The following MYEOV variants were observed in gnomAD, a reference collection of about 807,000 sequenced individuals.
MYEOV encodes myeloma-overexpressed gene protein.
In MYEOV, 4 loss-of-function variants were observed where a neutral mutation model predicts 4.5. The ratio of observed to expected loss-of-function variants is 0.89; its 90% CI spans 0.44 to 2.03. The LOEUF (loss-of-function observed/expected upper bound fraction) is 2.03, where lower values mean the gene tolerates loss of function less well. Among genes scored for constraint, MYEOV ranks in the 30% most tolerant of loss-of-function variants. The probability of loss-of-function intolerance (pLI) is 0.03; values close to 1 mark genes in which losing one functional copy is unlikely to be tolerated. For synonymous variants in MYEOV, 184 were observed against 170.3 expected, an observed-to-expected ratio of 1.08 and a Z score of -0.63; for missense variants, 408 against 412.8, an observed-to-expected ratio of 0.99 and a Z score of 0.10.
Position 69,296,105 on chromosome 11 carries a change from A to C in MYEOV, c.655A>C (p.Met219Leu), listed in dbSNP as rs17856376. 11 of 1,613,868 alleles carry C rather than the reference A, an allele frequency of 6.8e-6. No homozygotes were observed. Among genetic ancestry groups the C allele is most frequent in the African/African-American group, 4.0e-5 (3 of 74,850 alleles). Residue 219 changes from methionine to leucine, a missense_variant, in exon 3 of 3, where the codon ATG (methionine) becomes CTG (leucine). Transcript: ENST00000441339. ...TCTGGCCGGTGCCGGGGCACTCTGC[A>C]TGACCCTGGCAGAATCGAGCTGCCC... ...GLLAGAGALC[M>L]TLAESSCPDY...
At position 69,296,261 on chromosome 11, in the gene MYEOV, G is replaced by T. The variant is rs11228610; in HGVS notation, c.811G>T (p.Gly271Trp). Residue 271 changes from glycine to tryptophan, a missense_variant, in exon 3 of 3, where the codon GGG (glycine) becomes TGG (tryptophan). By Grantham distance (184) the Gly-to-Trp change is radical (BLOSUM62 -2). Transcript: ENST00000441339. ...TGTTGTGACTGTTGAGGCCCTGGGG[G>T]GGTGGCGCATGGGAGTTAGGAGGAC... ...LTVVTVEALG[G>W]WRMGVRRTGQ... 25 of 1,586,226 alleles carry T rather than the reference G, an allele frequency of 1.6e-5. No homozygotes were observed. The highest frequency in any genetic ancestry group is 2.7e-5 in the African/African-American group (2 of 74,552).
chr11:69,296,008 GC>G lies in MYEOV; in HGVS notation c.559del (p.Arg187GlyfsTer33). On this transcript the variant is annotated frameshift_variant, in exon 3 of 3. Coordinates refer to ENST00000441339, the MANE Select transcript of MYEOV (RefSeq NM_001293291.2). ...GCTCGTGCCCTGAGGAGGTGCATGGGCGGCATGGGCTCTCCATGGAAATTAT... is the reference window on the plus strand; with the variant it reads ...GCTCGTGCCCTGAGGAGGTGCATGGGGGCATGGGCTCTCCATGGAAATTAT... ...ISSCPEEVHG[R>X]HGLSMEIMWA... 6.2e-7 allele frequency: 1 copy of G among 1,614,150 alleles called. No individual in the cohort carries two copies. The highest frequency in any genetic ancestry group is 8.5e-7 in the Non-Finnish European group (1 of 1,180,008).
Position 69,295,299 on chromosome 11 carries a change from AC to A in MYEOV, c.-54del. On this transcript the variant is annotated 5_prime_UTR_variant, in exon 2 of 3. It introduces an in-frame stop codon into an upstream open reading frame of the 5' UTR. Transcript: ENST00000441339. This position sits in a 1 kb window ranked among gnomAD's most constrained non-coding sequence, Gnocchi z 4.1. ...CCAGCCACGTCATGCCACGCTTAACACCTCTAACAACTTCCCCTGGCACTTA... is the reference window on the plus strand; with the variant it reads ...CCAGCCACGTCATGCCACGCTTAACACTCTAACAACTTCCCCTGGCACTTA... 6.5e-7 allele frequency: 1 copy of A among 1,546,502 alleles called. No individual in the cohort carries two copies. The highest frequency in any genetic ancestry group is 2.4e-5 in the East Asian group (1 of 40,914).
rs1855144553 is a variant in MYEOV, at chr11:69,295,151, G to A, written c.-122-82G>A. 1.4e-5 allele frequency: 11 copies of A among 794,566 alleles called. No homozygotes were observed. The highest frequency in any genetic ancestry group is 5.5e-5 in the East Asian group (2 of 36,150). 49.2% of individuals were successfully genotyped at this position (794,566 alleles called of 1,614,324 possible). ...CATGGGGACCCAGGCACAGAGCGGC[G>A]GCCTCTCATCCTCCCCATGGTCAAG... On this transcript the variant is annotated intron_variant, in intron 1 of 2. Coordinates refer to ENST00000441339, the MANE Select transcript of MYEOV (RefSeq NM_001293291.2). The surrounding 1 kb of genome is among the most constrained non-coding windows in gnomAD (Gnocchi z 4.1).
In MYEOV at chr11:69,296,374, C is replaced by T; in HGVS notation, c.924C>T (p.Ile308=). The change falls in exon 3 of 3, where the codon ATC becomes ATT. Residue 308 remains isoleucine, a synonymous_variant. Coordinates refer to ENST00000441339, the MANE Select transcript of MYEOV (RefSeq NM_001293291.2). The part of the protein sequence containing the change: ...LLHHLLLLLL[I]IILTC ...ACCACCTCCTCCTCCTCCTCCTCAT[C>T]ATCATCCTCACTTGTTGAGGACGTC... is the stretch of plus-strand genomic sequence containing the variant. The T allele has an allele frequency of 6.8e-7, 1 of 1,468,120 alleles. No individual in the cohort carries two copies. Among genetic ancestry groups the T allele is most frequent in the Middle Eastern group, 1.8e-4 (1 of 5,536 alleles). The allele number at this position is 1,468,120 out of a possible 1,614,324, so 90.9% of individuals were successfully genotyped here.
chr11:69,295,214 G>T lies in MYEOV; in HGVS notation c.-122-19G>T, dbSNP rs1855147443. On this transcript the variant is annotated intron_variant, in intron 1 of 2. Coordinates refer to ENST00000441339, the MANE Select transcript of MYEOV (RefSeq NM_001293291.2). This position sits in a 1 kb window ranked among gnomAD's most constrained non-coding sequence, Gnocchi z 4.1. ...TTCCCGGGGTGGATTACGGATGGTA[G>T]TATCTTCCTTCTCCTCAGAGTCCAT... The T allele has an allele frequency of 5.2e-6, 7 of 1,349,264 alleles. No homozygotes were observed. The highest frequency in any genetic ancestry group is 1.5e-5 in the African/African-American group (1 of 67,862). The allele number at this position is 1,349,264 out of a possible 1,614,324, so 83.6% of individuals were successfully genotyped here. A position where few individuals can be genotyped will look rare whatever the true frequency, so the allele number is the denominator to read the frequency against.
In MYEOV at chr11:69,295,822, G is replaced by A; in HGVS notation, c.372G>A (p.Glu124=). The change falls in exon 3 of 3, where the codon GAG becomes GAA. Residue 124 remains glutamate (E), a synonymous_variant. Transcript: ENST00000441339. This position sits in a 1 kb window ranked among gnomAD's most constrained non-coding sequence, Gnocchi z 4.1. The stretch of plus-strand genomic sequence containing the variant: ...AGACAGGTGCGGGGCTCAGCCAGGA[G>A]GCAGAAGACGTGGACGTGTCCCGGG... ...GAQTGAGLSQ[E]AEDVDVSRAR... 1 of 1,614,192 alleles carries A rather than the reference G, an allele frequency of 6.2e-7. No homozygotes were observed. The highest frequency in any genetic ancestry group is 2.2e-5 in the East Asian group (1 of 44,878).
chr11:69,296,259 G>C lies in MYEOV; in HGVS notation c.809G>C (p.Gly270Ala). 6.3e-7 allele frequency: 1 copy of C among 1,589,402 alleles called. No homozygotes were observed. Among genetic ancestry groups the C allele is most frequent in the Non-Finnish European group, 8.6e-7 (1 of 1,165,554 alleles). The part of the protein sequence containing the change: ...WLTVVTVEAL[G>A]GWRMGVRRTG... ...ACTGTTGTGACTGTTGAGGCCCTGG[G>C]GGGGTGGCGCATGGGAGTTAGGAGG... The change falls in exon 3 of 3, where the codon GGG becomes GCG. Residue 270 changes from glycine to alanine, a missense_variant. Physicochemically the swap from Gly to Ala is moderately conservative, Grantham distance 60 (BLOSUM62 0). Coordinates refer to ENST00000441339, the MANE Select transcript of MYEOV (RefSeq NM_001293291.2).
rs1305283519 is a variant in MYEOV, at chr11:69,296,281, G to A, written c.831G>A (p.Arg277=). 1 of 1,569,132 alleles carries A rather than the reference G, an allele frequency of 6.4e-7. No homozygotes were observed. The highest frequency in any genetic ancestry group is 8.7e-7 in the Non-Finnish European group (1 of 1,155,066). Residue 277 remains arginine, a synonymous_variant, in exon 3 of 3, where the codon AGG becomes AGA. Coordinates refer to ENST00000441339, the MANE Select transcript of MYEOV (RefSeq NM_001293291.2). ...TGGGGGGGTGGCGCATGGGAGTTAG[G>A]AGGACTGGCCAGGTGGGGCCCACTA... ...EALGGWRMGV[R]RTGQVGPTMH...
At position 69,295,620 on chromosome 11, in the gene MYEOV, T is replaced by A; in HGVS notation, c.170T>A (p.Leu57Ter). ...GTCCCCCTTGGGGACAGGGACTCGT[T>A]GCTCATGTTCACCCGGCAGGCTGGA... ...QSVPLGDRDS[L>*]LMFTRQAGHF... The change falls in exon 3 of 3, where the codon TTG (leucine) becomes TAG (stop). Residue 57 changes from leucine to a stop codon, truncating the protein, a stop_gained. Coordinates refer to ENST00000441339, the MANE Select transcript of MYEOV (RefSeq NM_001293291.2). LOFTEE classifies it low-confidence loss of function (END_TRUNC). The surrounding 1 kb of genome is among the most constrained non-coding windows in gnomAD (Gnocchi z 4.1). 1 of 1,613,982 alleles carries A rather than the reference T, an allele frequency of 6.2e-7. No homozygotes were observed. The highest frequency in any genetic ancestry group is 8.5e-7 in the Non-Finnish European group (1 of 1,179,938).
chr11:69,295,496 G>T lies in MYEOV; in HGVS notation c.141+1G>T, dbSNP rs766848939. 6.2e-7 allele frequency: 1 copy of T among 1,614,076 alleles called. No homozygotes were observed. The highest frequency in any genetic ancestry group is 1.1e-5 in the South Asian group (1 of 91,068). ...CTTCCTGACCTTCCACCTCCACCAG[G>T]TGCCGACACTTCCCTGACCCCAGTA... On this transcript the variant is annotated splice_donor_variant, in intron 2 of 2. Transcript: ENST00000441339. LOFTEE classifies it high-confidence loss of function. This position sits in a 1 kb window ranked among gnomAD's most constrained non-coding sequence, Gnocchi z 4.1.
chr11:69,295,326 G>C lies in MYEOV; in HGVS notation c.-29G>C. ...CTCTAACAACTTCCCCTGGCACTTAGGACAGCGTCTGGCTCCTTCCCTCGG... is the reference window on the plus strand; with the variant it reads ...CTCTAACAACTTCCCCTGGCACTTACGACAGCGTCTGGCTCCTTCCCTCGG... On this transcript the variant is annotated 5_prime_UTR_variant, in exon 2 of 3. The change abolishes the stop of an existing upstream ORF in the 5' untranslated region. Coordinates refer to ENST00000441339, the MANE Select transcript of MYEOV (RefSeq NM_001293291.2). This position sits in a 1 kb window ranked among gnomAD's most constrained non-coding sequence, Gnocchi z 4.1. 6.4e-7 allele frequency: 1 copy of C among 1,567,174 alleles called. No homozygotes were observed. Among genetic ancestry groups the C allele is most frequent in the Non-Finnish European group, 8.7e-7 (1 of 1,155,398 alleles).
chr11:69,295,358 G>C lies in MYEOV; in HGVS notation c.4G>C (p.Ala2Pro). 2 of 1,601,008 alleles carry C rather than the reference G, an allele frequency of 1.2e-6. 1 individual carries two copies. The highest frequency in any genetic ancestry group is 2.2e-5 in the South Asian group (2 of 89,770). ...GTCTGGCTCCTTCCCTCGGCTCATG[G>C]CCCTCAGAATCTGCGTCACATACAC... Reference protein sequence around the residue: MALRICVTYTPA... With the variant: MPLRICVTYTPA... Residue 2 changes from alanine (A) to proline (P), a missense_variant, in exon 2 of 3, where the codon GCC (alanine) becomes CCC (proline). Coordinates refer to ENST00000441339, the MANE Select transcript of MYEOV (RefSeq NM_001293291.2). This position sits in a 1 kb window ranked among gnomAD's most constrained non-coding sequence, Gnocchi z 4.1.
intron 1 of MYEOV, among the ~76,000 whole-genome samples, 191 bp downstream of exon 1, chr11:69,294,767 G>A (rs920525321): frequency 2.0e-5 from 3 of 152,112 alleles, no homozygotes; most frequent in East Asian, 1.9e-4. Flanking sequence ...CAGACGGCTC[G>A]GGAGTGACCA....
Position 69,296,267 on chromosome 11 carries a change from C to G in MYEOV, c.817C>G (p.Arg273Gly). 6.3e-7 allele frequency: 1 copy of G among 1,579,860 alleles called. No homozygotes were observed. The highest frequency in any genetic ancestry group is 8.6e-7 in the Non-Finnish European group (1 of 1,160,580). Reference sequence around the variant, plus strand: ...GACTGTTGAGGCCCTGGGGGGGTGGCGCATGGGAGTTAGGAGGACTGGCCA... The same window carrying G: ...GACTGTTGAGGCCCTGGGGGGGTGGGGCATGGGAGTTAGGAGGACTGGCCA... ...VVTVEALGGW[R>G]MGVRRTGQVG... The change falls in exon 3 of 3, where the codon CGC (arginine) becomes GGC (glycine). Residue 273 changes from arginine to glycine, a missense_variant. Physicochemically the swap from Arg to Gly is moderately radical, Grantham distance 125 (BLOSUM62 -2). Coordinates refer to ENST00000441339, the MANE Select transcript of MYEOV (RefSeq NM_001293291.2).
chr11:69,294,553 C>CGGTTCTTGG lies in MYEOV; in HGVS notation c.-145_-137dup, dbSNP rs1375463365. 6.6e-6 allele frequency: 1 copy of CGGTTCTTGG among 152,192 alleles called. No individual in the cohort carries two copies. The highest frequency in any genetic ancestry group is 1.5e-5 in the Non-Finnish European group (1 of 68,166). The allele number at this position is 152,192 out of a possible 1,614,324, so 9.4% of individuals were successfully genotyped here. On this transcript the variant is annotated 5_prime_UTR_variant, in exon 1 of 3. Transcript: ENST00000441339. ...TGGAGTTTATCTGGAGTGAGGTGGC[C>CGGTTCTTGG]GGTTCTTGGTGGGATCTGAGCAGGT...
Position 69,295,400 on chromosome 11 carries a change from G to C in MYEOV, c.46G>C (p.Gly16Arg). 6.8e-6 allele frequency: 11 copies of C among 1,613,700 alleles called. No individual in the cohort carries two copies. Among genetic ancestry groups the C allele is most frequent in the Non-Finnish European group, 9.3e-6 (11 of 1,179,706 alleles). The change falls in exon 2 of 3, where the codon GGT becomes CGT. Residue 16 changes from glycine to arginine, a missense_variant. Transcript: ENST00000441339. The surrounding 1 kb of genome is among the most constrained non-coding windows in gnomAD (Gnocchi z 4.1). ...CVTYTPALPI[G>R]LCTRCCLCLE... Reference sequence around the variant, plus strand: ...CACATACACCCCAGCTCTCCCGATAGGTCTCTGCACTCGCTGTTGCCTCTG... The same window carrying C: ...CACATACACCCCAGCTCTCCCGATACGTCTCTGCACTCGCTGTTGCCTCTG...
Position 69,295,978 on chromosome 11 carries a change from C to G in MYEOV, c.528C>G (p.Ala176=). Residue 176 remains alanine, a synonymous_variant, in exon 3 of 3, where the codon GCC becomes GCG. Coordinates refer to ENST00000441339, the MANE Select transcript of MYEOV (RefSeq NM_001293291.2). The surrounding 1 kb of genome is among the most constrained non-coding windows in gnomAD (Gnocchi z 4.1). ...CCTTTAGAGTGGGCGTTGAGCAGGC[C>G]ATTAGCTCGTGCCCTGAGGAGGTGC... is the stretch of plus-strand genomic sequence containing the variant. ...GEAFRVGVEQ[A]ISSCPEEVHG... 1.2e-6 allele frequency: 2 copies of G among 1,614,138 alleles called. No homozygotes were observed. Among genetic ancestry groups the G allele is most frequent in the Non-Finnish European group, 1.7e-6 (2 of 1,180,014 alleles).
rs1209500481 is a variant in MYEOV at position 69,295,329 on chromosome 11, C to A, written c.-26C>A. Reference sequence around the variant, plus strand: ...TAACAACTTCCCCTGGCACTTAGGACAGCGTCTGGCTCCTTCCCTCGGCTC... The same window carrying A: ...TAACAACTTCCCCTGGCACTTAGGAAAGCGTCTGGCTCCTTCCCTCGGCTC... On this transcript the variant is annotated 5_prime_UTR_variant, in exon 2 of 3. Coordinates refer to ENST00000441339, the MANE Select transcript of MYEOV (RefSeq NM_001293291.2). This position sits in a 1 kb window ranked among gnomAD's most constrained non-coding sequence, Gnocchi z 4.1. 1.9e-6 allele frequency: 3 copies of A among 1,569,130 alleles called. No homozygotes were observed. The highest frequency in any genetic ancestry group is 2.6e-6 in the Non-Finnish European group (3 of 1,156,532).
Sources: allele counts gnomAD v4.1 joint callset (sites outside exome capture counted in the v4.1 genomes callset), GRCh38; gene constraint gnomAD v4.1.1; non-coding constraint Gnocchi (gnomAD v3.1); transcripts MANE v1.5; gene names NCBI Gene and HGNC (gene_info 2026-07-23, HGNC 2026-07-21).